STRN: variants seen among roughly 807,000 people sequenced by gnomAD.
STRN encodes striatin, also known as protein phosphatase 2 regulatory subunit B'''alpha.
Under a neutral mutation model 96.3 loss-of-function variants are expected in STRN, and 53 were observed. The ratio of observed to expected loss-of-function variants is 0.55; its 90% confidence interval spans 0.44 to 0.69. STRN has a LOEUF of 0.69. STRN is among the 30% of genes least tolerant of loss of function. STRN has a pLI of 0.00. For synonymous variants in STRN, 428 were observed against 355.9 expected (o/e 1.20, Z -2.28); for missense variants, 987 against 963.9 (o/e 1.02, Z -0.32).
chr2:36,875,700 G>A (rs1302646224), intron 10 of STRN, among the ~76,000 whole-genome samples: 5 of 143,744 alleles, frequency 3.5e-5, no homozygotes, highest in East Asian at 2.0e-4. Context: ...TCTATCGCCC[G>A]CGCTGGAGTG....
intron 1 of STRN, among the ~76,000 whole-genome samples, chr2:36,963,509 C>T (rs1665079034): frequency 6.6e-6 from 1 of 151,764 alleles, no homozygotes; most frequent in Admixed American, 6.6e-5. Context: ...ATTTTTTTTC[C>T]AATTACACTA....
chr2:36,961,677 T>C (rs1483728962), intron 1 of STRN, among the ~76,000 whole-genome samples: 1 of 152,170 alleles, frequency 6.6e-6, no homozygotes, highest in East Asian at 1.9e-4. Flanking sequence ...CTGTTCTGAA[T>C]CCTTACAAGG....
At chr2:36,958,174 C>G (rs1223621049) in intron 1 of STRN, among the ~76,000 whole-genome samples, 1 of 152,080 alleles carries the variant, frequency 6.6e-6, no homozygotes, top group Non-Finnish European at 1.5e-5. Flanking sequence ...CCCGCCTCAG[C>G]CTCCCAAAGT....
chr2:36,878,650 C>A lies in STRN; in HGVS notation c.1187-623G>T, dbSNP rs533131092. The stretch of plus-strand genomic sequence containing the variant: ...GTGGTGACGTGGGAGGGTAATAATT[C>A]TATCTTGATGACAATTCACTGAGCT... On this transcript the variant is annotated intron_variant, in intron 9 of 17. Coordinates refer to ENST00000263918, the MANE Select transcript of STRN (RefSeq NM_003162.4). Among the ~76,000 whole-genome samples the A allele has an allele frequency of 1.8e-3, 281 of 152,244 alleles. 1 individual carries two copies. The highest frequency in any genetic ancestry group is 6.6e-3 in the African/African-American group (275 of 41,544).
chr2:36,855,137 CA>C, intron 15 of STRN, 74 bp downstream of exon 15: 3 of 1,457,746 alleles, frequency 2.1e-6, no homozygotes, highest in Non-Finnish European at 2.8e-6. Context: ...ATATTTTTCA[CA>C]GCTGACTCTA....
chr2:36,940,545 G>A (rs1670818809), intron 1 of STRN, among the ~76,000 whole-genome samples: 1 of 151,896 alleles, frequency 6.6e-6, no homozygotes, highest in Non-Finnish European at 1.5e-5. Context: ...AGTAAATTAG[G>A]GGCTGGGTGC....
intron 1 of STRN, among the ~76,000 whole-genome samples, chr2:36,956,047 A>C (rs1025532088): frequency 8.5e-5 from 13 of 152,176 alleles, no homozygotes; most frequent in African/African-American, 2.7e-4. Flanking sequence ...TCAGCACTCA[A>C]AAAGATTTAG....
At chr2:36,929,585 A>C (rs1670517379) in intron 1 of STRN, among the ~76,000 whole-genome samples, 1 of 152,110 alleles carries the variant, frequency 6.6e-6, no homozygotes, top group African/African-American at 2.4e-5. Flanking sequence ...GGGTTTTACC[A>C]TGTTGGTCAG....
intron 8 of STRN, 86 bp downstream of exon 8, chr2:36,886,630 T>C (rs1669235232): frequency 1.9e-6 from 2 of 1,028,444 alleles, no homozygotes; most frequent in East Asian, 2.5e-5. Flanking sequence ...AAAGAGTAAG[T>C]AGATTTAGGA....
At chr2:36,922,257 G>A (rs994017740) in intron 2 of STRN, among the ~76,000 whole-genome samples, 12 of 152,114 alleles carry the variant, frequency 7.9e-5, no homozygotes, top group South Asian at 2.1e-4. Flanking sequence ...GGTGACTCAC[G>A]CCTATAATCA....
At chr2:36,898,123 T>C (rs1378039819) in intron 6 of STRN, among the ~76,000 whole-genome samples, 1 of 152,212 alleles carries the variant, frequency 6.6e-6, no homozygotes, top group Non-Finnish European at 1.5e-5. Flanking sequence ...AGTTTATAAA[T>C]ATTTTAAATA....
chr2:36,903,770 A>G lies in STRN; in HGVS notation c.492-1019T>C, dbSNP rs554783580. On this transcript the variant is annotated intron_variant, in intron 4 of 17. Coordinates refer to ENST00000263918, the MANE Select transcript of STRN (RefSeq NM_003162.4). ...ACCAAATCAAGATGCTCATTTTTCA[A>G]TCCCATCCAATATTTATAGAAAGGT... Among the ~76,000 whole-genome samples the G allele has an allele frequency of 2.0e-5, 3 of 152,356 alleles. No homozygotes were observed. In the South Asian group the frequency reaches 6.2e-4, roughly 32 times the overall value.
chr2:36,882,748 G>A (rs1669107958), intron 9 of STRN, among the ~76,000 whole-genome samples: 1 of 152,122 alleles, frequency 6.6e-6, no homozygotes, highest in Non-Finnish European at 1.5e-5. Context: ...TAATCTGAGT[G>A]ACAGAGTGAC....
chr2:36,871,154 T>C (rs1330387477), intron 10 of STRN, among the ~76,000 whole-genome samples: 2 of 152,202 alleles, frequency 1.3e-5, no homozygotes, highest in Non-Finnish European at 2.9e-5. Flanking sequence ...AATTTATTAC[T>C]GAAGAAAATT....
rs1337274339 is a variant in STRN, at chr2:36,847,987, C to G, written c.*1469G>C. 1 of 152,162 alleles carries G rather than the reference C, an allele frequency of 6.6e-6. No individual in the cohort carries two copies. The highest frequency in any genetic ancestry group is 1.5e-5 in the Non-Finnish European group (1 of 68,040). The allele number at this position is 152,162 out of a possible 1,614,324, so 9.4% of individuals were successfully genotyped here. ...ATTTATTTCCAATTTCTAGATTGGT[C>G]TCTGTCATTTGGGACAAAGAGTAAG... On this transcript the variant is annotated 3_prime_UTR_variant, in exon 18 of 18. Transcript: ENST00000263918.
chr2:36,895,247 A>C (rs1363538544), intron 6 of STRN, among the ~76,000 whole-genome samples: 2 of 151,978 alleles, frequency 1.3e-5, no homozygotes, highest in African/African-American at 4.8e-5. Context: ...GAATGGCGTG[A>C]ACCTGGGAGG....
At chr2:36,916,566 TA>T (rs985502393) in intron 2 of STRN, among the ~76,000 whole-genome samples, 1 of 152,006 alleles carries the variant, frequency 6.6e-6, no homozygotes, top group Admixed American at 6.6e-5. Flanking sequence ...TTGAGCTTCT[TA>T]AAAAAAGAAA....
At chr2:36,954,609 A>C (rs1364185882) in intron 1 of STRN, among the ~76,000 whole-genome samples, 1 of 151,958 alleles carries the variant, frequency 6.6e-6, no homozygotes, top group Admixed American at 6.6e-5. Context: ...AAAAAAATAA[A>C]AGTATTTAAG....
At chr2:36,939,820 G>C (rs977730453) in intron 1 of STRN, among the ~76,000 whole-genome samples, 1 of 152,164 alleles carries the variant, frequency 6.6e-6, no homozygotes, top group Admixed American at 6.5e-5. Context: ...TCAAAATAGT[G>C]TAACAACTAA....
Sources: gnomAD v4.1 joint callset for allele counts (sites outside exome capture counted in the v4.1 genomes callset) on GRCh38, gnomAD v4.1.1 for gene constraint, MANE v1.5 for transcripts, NCBI Gene and HGNC (gene_info 2026-07-23, HGNC 2026-07-21) for gene names.